IL9R: variants seen among roughly 807,000 people sequenced by gnomAD.
IL9R encodes interleukin 9 receptor.
A neutral mutation model predicts 56.3 loss-of-function variants in IL9R; 54 were observed. The observed-to-expected ratio is 0.96, with a 90% CI of 0.77 to 1.20. The LOEUF (loss-of-function observed/expected upper bound fraction) is 1.20, where lower values mean the gene tolerates loss of function less well. Among genes scored for constraint, IL9R ranks in the 50% most tolerant of loss-of-function variants. The probability of loss-of-function intolerance (pLI) is 0.00; values close to 1 mark genes in which losing one functional copy is unlikely to be tolerated. For missense variants in IL9R, 545 were observed against 629.8 expected (o/e 0.87, Z 1.44); for synonymous variants, 212 against 250.2 (o/e 0.85, Z 1.44).
intron 1 of IL9R, among the ~76,000 whole-genome samples, chrX:156,002,398 T>C: frequency 6.6e-6 from 1 of 152,308 alleles, no homozygotes; most frequent in Middle Eastern, 3.4e-3. Context: ...GGCAAGTCAT[T>C]TCCCCTCCTT....
At chrX:156,008,402 T>A (rs2068135901) in intron 8 of IL9R, among the ~76,000 whole-genome samples, 1 of 151,008 alleles carries the variant, frequency 6.6e-6, no homozygotes, top group Admixed American at 6.6e-5. Flanking sequence ...CTTTTCTCTC[T>A]CAATGAGGAG....
chrX:156,006,298 T>C, intron 7 of IL9R, 110 bp downstream of exon 7: 1 of 683,000 alleles, frequency 1.5e-6, no homozygotes, highest in East Asian at 2.8e-5. Flanking sequence ...GTGTGGTGGG[T>C]GGGCCATCAA....
rs1264672476 is a variant in IL9R, at chrX:156,010,095, C to T, written c.1252C>T (p.Leu418=). 1 of 1,584,952 alleles carries T rather than the reference C, an allele frequency of 6.3e-7. No homozygotes were observed. The change falls in exon 9 of 9, where the codon CTG becomes TTG. Residue 418 remains leucine (L), a synonymous_variant. Coordinates refer to ENST00000244174, the MANE Select transcript of IL9R (RefSeq NM_002186.3). The part of the protein sequence containing the change: ...LPQEDWAPTS[L]TRPAPPDSEG... The stretch of plus-strand genomic sequence containing the variant: ...ACAGGAGGACTGGGCCCCCACGTCC[C>T]TGACTAGGCCGGCTCCCCCAGACTC...
rs2067752577 is a variant in IL9R, at chrX:156,004,266, G to A, written c.434-154G>A. 5.7e-6 allele frequency: 4 copies of A among 698,518 alleles called. No homozygotes were observed. The East Asian group carries it at 1.1e-4, about 19-fold the overall frequency. The allele number at this position is 698,518 out of a possible 1,614,324, so 43.3% of individuals were successfully genotyped here. A position where few individuals can be genotyped will look rare whatever the true frequency, so the allele number is the denominator to read the frequency against. ...AGTCATTGCTGTCCTGTCCCGCCTG[G>A]GGCTTTTGTGGACCAGTCTCCCAGT... On this transcript the variant is annotated intron_variant, in intron 4 of 8. Transcript: ENST00000244174.
At chrX:156,000,517 G>A (rs2067447165) in intron 1 of IL9R, among the ~76,000 whole-genome samples, 1 of 152,178 alleles carries the variant, frequency 6.6e-6, no homozygotes, top group Non-Finnish European at 1.5e-5. Flanking sequence ...GGCTGTGCTG[G>A]GCAGTGATGT....
chrX:156,009,562 G>A (rs1355756021), intron 8 of IL9R, among the ~76,000 whole-genome samples: 2 of 144,984 alleles, frequency 1.4e-5, no homozygotes, highest in African/African-American at 2.7e-5. Context: ...GGCTGCCGTG[G>A]GCACCAGGCC....
chrX:156,003,145 C>G (rs765456542), intron 2 of IL9R, 126 bp downstream of exon 2: 1 of 1,179,658 alleles, frequency 8.5e-7, no homozygotes, highest in African/African-American at 1.5e-5. Flanking sequence ...GGCATGTCCT[C>G]TAGGGGTCAG....
At chrX:156,001,063 C>T (rs753415104) in intron 1 of IL9R, among the ~76,000 whole-genome samples, 2 of 152,188 alleles carry the variant, frequency 1.3e-5, no homozygotes, top group South Asian at 4.2e-4. Context: ...GTCGCTGTAC[C>T]CAACTCTCCG....
chrX:156,001,496 A>T (rs757563223), intron 1 of IL9R: 1 of 1,607,276 alleles, frequency 6.2e-7, no homozygotes, highest in Non-Finnish European at 8.5e-7. Context: ...TGCACGCTCC[A>T]TTCTAGGAAA....
intron 1 of IL9R, among the ~76,000 whole-genome samples, chrX:156,002,555 C>T (rs1183621975): frequency 6.6e-6 from 1 of 152,134 alleles, no homozygotes; most frequent in Non-Finnish European, 1.5e-5. Flanking sequence ...GGGGCCTGGG[C>T]CCGGGAATGG....
At position 156,010,455 on chromosome X, in the gene IL9R, C is replaced by T. The variant is rs1354489520; in HGVS notation, c.*46C>T. The T allele has an allele frequency of 7.0e-6, 3 of 428,864 alleles. No homozygotes were observed. Among genetic ancestry groups the T allele is most frequent in the Non-Finnish European group, 1.1e-5 (3 of 269,142 alleles). The allele number at this position is 428,864 out of a possible 1,614,324, so 26.6% of individuals were successfully genotyped here. A position where few individuals can be genotyped will look rare whatever the true frequency, so the allele number is the denominator to read the frequency against. On this transcript the variant is annotated 3_prime_UTR_variant, in exon 9 of 9. Transcript: ENST00000244174. ...ATCATGTCCATTTTGGGAAAATGGA[C>T]TGAAGTTTCTGGAGCCCTTGTCTGA...
At chrX:155,997,859 G>A in intron 1 of IL9R, 72 bp downstream of exon 1, 1 of 1,412,522 alleles carries the variant, frequency 7.1e-7, no homozygotes, top group Non-Finnish European at 1.0e-6. Flanking sequence ...GGGACATGTG[G>A]CCCTCCAACT....
intron 2 of IL9R, 40 bp downstream of exon 2, chrX:156,003,059 G>A (rs1164134968): frequency 1.2e-6 from 2 of 1,612,622 alleles, no homozygotes; most frequent in Non-Finnish European, 8.5e-7. Context: ...GGTGGGTGGA[G>A]AACTAGGGCA....
rs1490233820 is a variant in IL9R at position 156,005,398 on chromosome X, G to A, written c.700G>A (p.Asp234Asn). The A allele has an allele frequency of 6.2e-7, 1 of 1,613,194 alleles. No homozygotes were observed. Among genetic ancestry groups the A allele is most frequent in the Non-Finnish European group, 8.5e-7 (1 of 1,179,806 alleles). Reference sequence around the variant, plus strand: ...TGTCCAGATGGCCACACTGGAGGATGATGTGGTAGAGGAGGAGCGTTATAC... The same window carrying A: ...TGTCCAGATGGCCACACTGGAGGATAATGTGGTAGAGGAGGAGCGTTATAC... ...LRVQMATLED[D>N]VVEEERYTGQ... The change falls in exon 6 of 9, where the codon GAT becomes AAT. Residue 234 changes from aspartate to asparagine, a missense_variant. Asp to Asn is a conservative substitution (Grantham distance 23). Around this residue, in one of 2 missense-constraint regions of IL9R, gnomAD observed 431 missense variants for 360.0 expected, o/e 1.20. Coordinates refer to ENST00000244174, the MANE Select transcript of IL9R (RefSeq NM_002186.3).
intron 5 of IL9R, 125 bp downstream of exon 5, chrX:156,004,690 T>A (rs1403084257): frequency 1.1e-6 from 1 of 952,058 alleles, no homozygotes; most frequent in South Asian, 1.5e-5. Context: ...TAGAGCGGGG[T>A]GTGTGTGCAC....
intron 4 of IL9R, 106 bp downstream of exon 4, chrX:156,003,961 T>C (rs1425900489): frequency 8.4e-7 from 1 of 1,191,110 alleles, no homozygotes; most frequent in Non-Finnish European, 1.2e-6. Flanking sequence ...CCAGTGAGTG[T>C]TCTCAGTCCC....
rs747203706 is a variant in IL9R, at chrX:156,001,436, C to T, written c.29-1470C>T. On this transcript the variant is annotated intron_variant, in intron 1 of 8. Transcript: ENST00000244174. ...CTGCTGCAAGAACGGACAGACACTG[C>T]TGCAGAGAACTTGCCACGGTGTTTC... The T allele has an allele frequency of 6.1e-5, 99 of 1,610,946 alleles. No homozygotes were observed. In the South Asian group the frequency reaches 1.0e-3, roughly 16 times the overall value.
intron 1 of IL9R, among the ~76,000 whole-genome samples, chrX:155,999,236 A>G (rs1883079): frequency 0.97 from 146,863 of 152,016 alleles, 70,963 homozygotes; most frequent in East Asian, 1. Context: ...ACCCTTGCCT[A>G]CTCCCCTCTG....
chrX:155,998,860 G>C (rs1012509938), intron 1 of IL9R, among the ~76,000 whole-genome samples: 16 of 152,112 alleles, frequency 1.1e-4, no homozygotes, highest in African/African-American at 3.6e-4. Flanking sequence ...CAGCAAGGCT[G>C]TGGGAGGGGT....
Sources: allele counts gnomAD v4.1 joint callset (sites outside exome capture counted in the v4.1 genomes callset), GRCh38; gene constraint gnomAD v4.1.1; regional missense constraint gnomAD v4.1.1; transcripts MANE v1.5; gene names NCBI Gene and HGNC (gene_info 2026-07-23, HGNC 2026-07-21).